The following RSU1 variants were observed in gnomAD, a reference collection of about 807,000 sequenced individuals.
RSU1 encodes the protein Ras suppressor protein 1.
Under a neutral mutation model 31.1 loss-of-function variants are expected in RSU1, and 26 were observed. The ratio of observed to expected loss-of-function variants is 0.84; its 90% CI spans 0.61 to 1.16. The LOEUF is 1.16. Among genes scored for constraint, RSU1 ranks in the 50% most tolerant of loss-of-function variants. RSU1 has a pLI of 0.00. For missense variants in RSU1, 320 were observed against 339.1 expected (o/e 0.94, Z 0.44); for synonymous variants, 164 against 136.3 (o/e 1.20, Z -1.41).
intron 2 of RSU1, among the ~76,000 whole-genome samples, chr10:16,808,205 C>A (rs1838317548): frequency 6.6e-6 from 1 of 151,960 alleles, no homozygotes; most frequent in African/African-American, 2.4e-5. Flanking sequence ...CAACCGGGCG[C>A]AGTGGCTCAC....
chr10:16,723,887 T>G (rs918803497), intron 7 of RSU1, among the ~76,000 whole-genome samples: 1 of 152,214 alleles, frequency 6.6e-6, no homozygotes, highest in African/African-American at 2.4e-5. Flanking sequence ...CCTCACATTA[T>G]CAGTCCTGGG....
chr10:16,715,656 T>C (rs951603664), intron 7 of RSU1, among the ~76,000 whole-genome samples: 1 of 152,228 alleles, frequency 6.6e-6, no homozygotes, highest in Non-Finnish European at 1.5e-5. Flanking sequence ...TTCTATTCCA[T>C]TGGTCAATAT....
intron 8 of RSU1, among the ~76,000 whole-genome samples, chr10:16,647,598 T>C (rs933933888): frequency 2.0e-5 from 3 of 152,146 alleles, no homozygotes; most frequent in Non-Finnish European, 4.4e-5. Flanking sequence ...TATGACTCCA[T>C]TTATATGAAA....
chr10:16,702,987 A>G lies in RSU1; in HGVS notation c.599-7832T>C, dbSNP rs543465175. On this transcript the variant is annotated intron_variant, in intron 7 of 8. Coordinates refer to ENST00000345264, the MANE Select transcript of RSU1 (RefSeq NM_012425.4). ...GTAATCCTTCATGAATGATTTAGCA[A>G]CATCCCTCTGGTGCTGTTCTAGTGA... is the stretch of plus-strand genomic sequence containing the variant. 2.6e-5 allele frequency among the ~76,000 whole-genome samples: 4 copies of G among 152,296 alleles called. No homozygotes were observed. The South Asian group carries it at 8.3e-4, about 32-fold the overall frequency.
In RSU1 at chr10:16,704,213, C is replaced by T. The variant is rs541991370; in HGVS notation, c.599-9058G>A. ...AAGTTCTACAAAGGATAAAAACCTA[C>T]CAACTGGAGAATCATCATTATCATA... On this transcript the variant is annotated intron_variant, in intron 7 of 8. Coordinates refer to ENST00000345264, the MANE Select transcript of RSU1 (RefSeq NM_012425.4). Among the ~76,000 whole-genome samples, 18 of 152,222 alleles carry T rather than the reference C, an allele frequency of 1.2e-4. No individual in the cohort carries two copies. In the South Asian group the frequency reaches 3.7e-3, roughly 32 times the overall value.
intron 7 of RSU1, among the ~76,000 whole-genome samples, chr10:16,717,798 T>TCTCAAGGATCTAAGTAGA (rs1403727985): frequency 4.6e-5 from 7 of 152,062 alleles, no homozygotes; most frequent in Non-Finnish European, 8.8e-5. Flanking sequence ...CTATCCCGCC[T>TCTCAAGGATCTAAGTAGA]CTCAAGGATC....
intron 7 of RSU1, chr10:16,727,226 T>A: frequency 2.3e-6 from 1 of 433,230 alleles, no homozygotes; most frequent in Non-Finnish European, 4.7e-6. Flanking sequence ...ATGTTCCGCC[T>A]GGCTGCATCT....
chr10:16,645,912 ATATATATGTG>A lies in RSU1; in HGVS notation c.731+49101_731+49110del, dbSNP rs1418761516. ...CATATATGTATATACACATATATGTATATATATGTGTATATACACATATGTGTATATATAT... is the reference window on the plus strand; with the variant it reads ...CATATATGTATATACACATATATGTATATATACACATATGTGTATATATAT... On this transcript the variant is annotated intron_variant, in intron 8 of 8. Coordinates refer to ENST00000345264, the MANE Select transcript of RSU1 (RefSeq NM_012425.4). Among the ~76,000 whole-genome samples the A allele has an allele frequency of 8.9e-4, 39 of 44,010 alleles. 5 individuals are homozygous for A. The highest frequency in any genetic ancestry group is 2.7e-3 in the African/African-American group (29 of 10,734). The allele number at this position is 44,010 out of a possible 152,430, so 28.9% of individuals were successfully genotyped here.
At chr10:16,754,088 T>C (rs1476958572) in intron 5 of RSU1, among the ~76,000 whole-genome samples, 1 of 152,176 alleles carries the variant, frequency 6.6e-6, no homozygotes, top group Non-Finnish European at 1.5e-5. Flanking sequence ...ATTTTATAGT[T>C]GGTTTCATGT....
chr10:16,707,470 G>A (rs1269701380), intron 7 of RSU1, among the ~76,000 whole-genome samples: 1 of 151,844 alleles, frequency 6.6e-6, no homozygotes, highest in African/African-American at 2.4e-5. Context: ...CTTTCTTGAT[G>A]ATTACTGATG....
Position 16,752,547 on chromosome 10 carries a change from G to C in RSU1, c.590C>G (p.Pro197Arg), listed in dbSNP as rs760489815. 4.3e-6 allele frequency: 7 copies of C among 1,612,710 alleles called. No homozygotes were observed. The highest frequency in any genetic ancestry group is 5.1e-6 in the Non-Finnish European group (6 of 1,178,748). ...TTCATCAGCAACCTTACCTAGTTCT[G>C]GGGGCAGAACGGTGAGGCGGTTCCC... ...IQGNRLTVLPPELGNLDLTGQ... is the reference protein window; with the variant it reads ...IQGNRLTVLPRELGNLDLTGQ... Residue 197 changes from proline to arginine, a missense_variant, in exon 7 of 9, where the codon CCA (proline) becomes CGA (arginine). Physicochemically the swap from Pro to Arg is moderately radical, Grantham distance 103. Transcript: ENST00000345264.
chr10:16,725,135 G>T (rs1016149813), intron 7 of RSU1, among the ~76,000 whole-genome samples: 5 of 152,150 alleles, frequency 3.3e-5, no homozygotes, highest in Non-Finnish European at 7.3e-5. Flanking sequence ...TGAACTATAA[G>T]CTTATGTTAT....
chr10:16,815,298 C>A (rs754792090), intron 2 of RSU1, among the ~76,000 whole-genome samples: 2 of 152,206 alleles, frequency 1.3e-5, no homozygotes, highest in African/African-American at 4.8e-5. Context: ...GCCTACGAAA[C>A]GCAAATCTAC....
At position 16,614,503 on chromosome 10, in the gene RSU1, G is replaced by A. The variant is rs548607715; in HGVS notation, c.732-21007C>T. Reference sequence around the variant, plus strand: ...ATCAATAATTTACACTTAAAAATAAGAGTATCAATGGATTGTTTGTAACAA... The same window carrying A: ...ATCAATAATTTACACTTAAAAATAAAAGTATCAATGGATTGTTTGTAACAA... On this transcript the variant is annotated intron_variant, in intron 8 of 8. Coordinates refer to ENST00000345264, the MANE Select transcript of RSU1 (RefSeq NM_012425.4). 9.9e-5 allele frequency among the ~76,000 whole-genome samples: 15 copies of A among 151,990 alleles called. 1 individual carries two copies. The South Asian group carries it at 2.9e-3, about 29-fold the overall frequency.
chr10:16,816,641 A>T (rs1039762817), intron 2 of RSU1, among the ~76,000 whole-genome samples: 4 of 152,254 alleles, frequency 2.6e-5, no homozygotes, highest in African/African-American at 9.6e-5. Flanking sequence ...ATTAGGAGAC[A>T]GGAAGAAGGA....
intron 7 of RSU1, among the ~76,000 whole-genome samples, chr10:16,742,949 T>C (rs915718565): frequency 1.1e-4 from 16 of 152,304 alleles, no homozygotes; most frequent in African/African-American, 3.6e-4. Context: ...AAATAGAATA[T>C]ATAAAATGGA....
chr10:16,591,261 A>C lies in RSU1; in HGVS notation c.*2133T>G, dbSNP rs1250568874. ...TAAAAGCCTCATGCAGACACACCGT[A>C]ATTCATTGAACCCCTTTTCCACTGA... is the stretch of plus-strand genomic sequence containing the variant. On this transcript the variant is annotated 3_prime_UTR_variant, in exon 9 of 9. Transcript: ENST00000345264. 1.3e-5 allele frequency: 2 copies of C among 152,110 alleles called. No homozygotes were observed. The highest frequency in any genetic ancestry group is 2.9e-5 in the Non-Finnish European group (2 of 68,040). 9.4% of individuals were successfully genotyped at this position (152,110 alleles called of 1,614,324 possible).
intron 8 of RSU1, among the ~76,000 whole-genome samples, chr10:16,661,803 T>C (rs181372340): frequency 6.6e-6 from 1 of 152,352 alleles, no homozygotes; most frequent in South Asian, 2.1e-4. Context: ...GTTCCTTACA[T>C]GGGCATTGCT....
chr10:16,639,226 G>A (rs922976527), intron 8 of RSU1, among the ~76,000 whole-genome samples: 9 of 152,224 alleles, frequency 5.9e-5, no homozygotes, highest in South Asian at 2.1e-4. Flanking sequence ...ACGTGACTCC[G>A]GCCTATTAAA....
Sources: gnomAD v4.1 joint callset for allele counts (sites outside exome capture counted in the v4.1 genomes callset) on GRCh38, gnomAD v4.1.1 for gene constraint, MANE v1.5 for transcripts, NCBI Gene and HGNC (gene_info 2026-07-23, HGNC 2026-07-21) for gene names.